NFKBIL1: variants seen among roughly 807,000 people sequenced by gnomAD.
The protein encoded by NFKBIL1 is NF-kappa-B inhibitor-like protein 1.
A neutral mutation model predicts 45.4 loss-of-function variants in NFKBIL1; 30 were observed. The ratio of observed to expected loss-of-function variants is 0.66; its 90% confidence interval spans 0.49 to 0.90. NFKBIL1 has a LOEUF of 0.90. Ranked by LOEUF, NFKBIL1 falls within the 40% of genes least tolerant of loss-of-function variation. NFKBIL1 has a pLI of 0.00. For missense variants in NFKBIL1, 434 were observed against 513.4 expected (o/e 0.85, Z 1.49); for synonymous variants, 179 against 197.3 (o/e 0.91, Z 0.78).
chr6:31,548,047 T>C, intron 1 of NFKBIL1, 116 bp from the exon 2 acceptor site: 1 of 1,387,842 alleles, frequency 7.2e-7, no homozygotes, highest in Non-Finnish European at 9.9e-7. Flanking sequence ...CATCTCTTGC[T>C]GAAGATATTA....
chr6:31,548,485 C>T (rs894357987), intron 2 of NFKBIL1, 46 bp downstream of exon 2: 4 of 1,439,368 alleles, frequency 2.8e-6, no homozygotes, highest in Non-Finnish European at 3.6e-6. Context: ...GCTGACCAGA[C>T]CTGAAATGAA....
chr6:31,547,562 C>T (rs924154461), upstream of NFKBIL1: 4 of 562,978 alleles, frequency 7.1e-6, no homozygotes, highest in Non-Finnish European at 1.2e-5. Flanking sequence ...CGTCCTCCAC[C>T]TGCGTCTCTG....
intron 2 of NFKBIL1, among the ~76,000 whole-genome samples, chr6:31,554,421 A>T (rs1769602520): frequency 6.6e-6 from 1 of 152,074 alleles, no homozygotes; most frequent in Non-Finnish European, 1.5e-5. Flanking sequence ...TCAAAAAGAA[A>T]AAAAAAGCTT....
rs754045891 is a variant in NFKBIL1 at position 31,557,706 on chromosome 6, C to T, written c.413C>T (p.Pro138Leu). The change falls in exon 3 of 4, where the codon CCT becomes CTT. Residue 138 changes from proline to leucine, a missense_variant. Pro to Leu is a moderately conservative substitution (Grantham distance 98, BLOSUM62 -3). Around this residue, in one of 4 missense-constraint regions of NFKBIL1, gnomAD observed 231 missense variants for 264.1 expected, o/e 0.87. Coordinates refer to ENST00000376148, the MANE Select transcript of NFKBIL1 (RefSeq NM_005007.4). The surrounding 1 kb of genome is among the most constrained non-coding windows in gnomAD (Gnocchi z 5.4). ...ATAAAGAATAAGGATGGGGAGACCC[C>T]TGGCCAAATTTTGGGCTGGGGACCC... ...MGIKNKDGETPGQILGWGPPW... is the reference protein window; with the variant it reads ...MGIKNKDGETLGQILGWGPPW... 3 of 1,608,150 alleles carry T rather than the reference C, an allele frequency of 1.9e-6. No homozygotes were observed. The highest frequency in any genetic ancestry group is 2.5e-6 in the Non-Finnish European group (3 of 1,176,538).
At chr6:31,548,502 C>G in intron 2 of NFKBIL1, 63 bp downstream of exon 2, 1 of 1,407,180 alleles carries the variant, frequency 7.1e-7, no homozygotes, top group South Asian at 1.6e-5. Flanking sequence ...TGAAAGCCAA[C>G]CAATAGTTGA....
intron 1 of NFKBIL1, 85 bp downstream of exon 1, chr6:31,547,836 C>T (rs757502532): frequency 7.4e-6 from 9 of 1,219,034 alleles, no homozygotes; most frequent in Non-Finnish European, 1.0e-5. Flanking sequence ...AAAATTTTCC[C>T]CATCCGGCCC....
chr6:31,546,914 AAGG>A (rs930410618), upstream of NFKBIL1: 11 of 288,784 alleles, frequency 3.8e-5, no homozygotes, highest in Admixed American at 1.4e-4. The surrounding 1 kb of genome is among the most constrained non-coding windows in gnomAD (Gnocchi z 4.1). Context: ...GAGGTGAGAG[AAGG>A]AGAACTTGAT....
rs1769154735 is a variant in NFKBIL1, at chr6:31,547,725, G to A, written c.31G>A (p.Glu11Lys). ...TAACCCCTCCCCCCAGGTTCCAGAG[G>A]AAGAAGCCTCCACATCTGTCTGCCG... MSNPSPQVPE[E>K]EASTSVCRPK... Residue 11 changes from glutamate (E) to lysine (K), a missense_variant, in exon 1 of 4, where the codon GAA becomes AAA. Physicochemically the swap from Glu to Lys is moderately conservative, Grantham distance 56. This residue lies in a region of NFKBIL1 where 231 missense variants were observed against 264.1 expected (regional missense o/e 0.87). Transcript: ENST00000376148. The A allele has an allele frequency of 6.2e-7, 1 of 1,612,336 alleles. No individual in the cohort carries two copies. Among genetic ancestry groups the A allele is most frequent in the Non-Finnish European group, 8.5e-7 (1 of 1,179,578 alleles).
chr6:31,547,873 T>C, intron 1 of NFKBIL1, 122 bp downstream of exon 1: 1 of 860,276 alleles, frequency 1.2e-6, no homozygotes, highest in Non-Finnish European at 1.8e-6. Flanking sequence ...AGTTCTTTGT[T>C]AAAAATTAAA....
chr6:31,550,200 CAA>C (rs34859965), intron 2 of NFKBIL1, among the ~76,000 whole-genome samples: 12 of 122,732 alleles, frequency 9.8e-5, no homozygotes, highest in Admixed American at 2.5e-4. Context: ...GACTCCGTCT[CAA>C]AAAAAAAAAA....
Position 31,558,479 on chromosome 6 carries a change from G to A in NFKBIL1, c.1014G>A (p.Gln338=). ...GALRRYLRVQ[Q]VRWHPDRFLQ... is the part of the protein sequence containing the mutation. ...TGAGGAGGTACTTGAGGGTCCAGCAGGTCCGCTGGCACCCTGACCGCTTCC... is the reference window on the plus strand; with the variant it reads ...TGAGGAGGTACTTGAGGGTCCAGCAAGTCCGCTGGCACCCTGACCGCTTCC... Residue 338 remains glutamine, a synonymous_variant, in exon 4 of 4, where the codon CAG becomes CAA. Coordinates refer to ENST00000376148, the MANE Select transcript of NFKBIL1 (RefSeq NM_005007.4). This position sits in a 1 kb window ranked among gnomAD's most constrained non-coding sequence, Gnocchi z 7.2. The A allele has an allele frequency of 6.4e-7, 1 of 1,552,058 alleles. No homozygotes were observed. The highest frequency in any genetic ancestry group is 8.7e-7 in the Non-Finnish European group (1 of 1,147,588).
Position 31,548,232 on chromosome 6 carries a change from G to T in NFKBIL1, c.127G>T (p.Ala43Ser), listed in dbSNP as rs1234988799. Residue 43 changes from alanine to serine, a missense_variant, in exon 2 of 4, where the codon GCA (alanine) becomes TCA (serine). Transcript: ENST00000376148. ...ACGTCGCTTTCGTCGTTACTTGTCT[G>T]CAGGACGGCTGGTCCGGGCCCAGGC... is the stretch of plus-strand genomic sequence containing the variant. ...RERRFRRYLS[A>S]GRLVRAQALL... 4.3e-6 allele frequency: 7 copies of T among 1,613,020 alleles called. No homozygotes were observed. The highest frequency in any genetic ancestry group is 5.9e-6 in the Non-Finnish European group (7 of 1,180,052).
intron 2 of NFKBIL1, among the ~76,000 whole-genome samples, chr6:31,552,983 C>T (rs1425996167): frequency 1.3e-5 from 2 of 150,460 alleles, no homozygotes; most frequent in African/African-American, 2.4e-5. Context: ...GGATTAGAGG[C>T]GTGAGCCACC....
chr6:31,546,937 C>T (rs199651125), upstream of NFKBIL1: 6 of 241,044 alleles, frequency 2.5e-5, no homozygotes, highest in Non-Finnish European at 4.9e-5. This position sits in a 1 kb window ranked among gnomAD's most constrained non-coding sequence, Gnocchi z 4.1. Context: ...TTGGTGGTAA[C>T]AGAGGAAGCA....
Position 31,558,385 on chromosome 6 carries a change from G to A in NFKBIL1, c.920G>A (p.Gly307Glu). ...FGDVPWPCPG[G>E]GDPEAMAAAL... Reference sequence around the variant, plus strand: ...GATGTGCCCTGGCCCTGCCCTGGGGGAGGGGACCCAGAGGCCATGGCTGCA... The same window carrying A: ...GATGTGCCCTGGCCCTGCCCTGGGGAAGGGGACCCAGAGGCCATGGCTGCA... The change falls in exon 4 of 4, where the codon GGA (glycine) becomes GAA (glutamate). Residue 307 changes from glycine (G) to glutamate (E), a missense_variant. This residue lies in a region of NFKBIL1 where 128 missense variants were observed against 106.5 expected (regional missense o/e 1.20). Transcript: ENST00000376148. The surrounding 1 kb of genome is among the most constrained non-coding windows in gnomAD (Gnocchi z 7.2). 2 of 1,550,360 alleles carry A rather than the reference G, an allele frequency of 1.3e-6. No individual in the cohort carries two copies. Among genetic ancestry groups the A allele is most frequent in the Non-Finnish European group, 1.7e-6 (2 of 1,146,132 alleles).
chr6:31,558,357 G>A lies in NFKBIL1; in HGVS notation c.892G>A (p.Gly298Ser). Residue 298 changes from glycine to serine, a missense_variant, in exon 4 of 4, where the codon GGT becomes AGT. This residue lies in a region of NFKBIL1 where 128 missense variants were observed against 106.5 expected (regional missense o/e 1.20). Transcript: ENST00000376148. This position sits in a 1 kb window ranked among gnomAD's most constrained non-coding sequence, Gnocchi z 7.2. The part of the protein sequence containing the change: ...GAGRGSLWRF[G>S]DVPWPCPGGG... Reference sequence around the variant, plus strand: ...GGGGAGGGGCAGCCTCTGGCGATTTGGTGATGTGCCCTGGCCCTGCCCTGG... The same window carrying A: ...GGGGAGGGGCAGCCTCTGGCGATTTAGTGATGTGCCCTGGCCCTGCCCTGG... 4 of 1,551,758 alleles carry A rather than the reference G, an allele frequency of 2.6e-6. No homozygotes were observed. Among genetic ancestry groups the A allele is most frequent in the South Asian group, 1.2e-5 (1 of 85,024 alleles).
At chr6:31,551,301 G>A (rs116353461) in intron 2 of NFKBIL1, among the ~76,000 whole-genome samples, 2 of 152,064 alleles carry the variant, frequency 1.3e-5, no homozygotes, top group African/African-American at 2.4e-5. Flanking sequence ...GCCGGGACTA[G>A]AGGCGTGAGC....
In NFKBIL1 at chr6:31,548,425, G is replaced by A. The variant is rs199875424; in HGVS notation, c.320G>A (p.Arg107His). ...HGDTALHAAA[R>H]QGPDAYTDFF... ...GACACGGCACTGCATGCTGCTGCCC[G>A]CCAGGGCCCAGATGGTGAGTCTGCT... Residue 107 changes from arginine to histidine, a missense_variant, in exon 2 of 4, where the codon CGC becomes CAC. Arg to His is a conservative substitution (Grantham distance 29). Coordinates refer to ENST00000376148, the MANE Select transcript of NFKBIL1 (RefSeq NM_005007.4). The A allele has an allele frequency of 6.6e-7, 1 of 1,507,782 alleles. No individual in the cohort carries two copies. The highest frequency in any genetic ancestry group is 2.3e-5 in the East Asian group (1 of 43,680). The allele number at this position is 1,507,782 out of a possible 1,614,324, so 93.4% of individuals were successfully genotyped here.
At chr6:31,550,665 G>A (rs771975940) in intron 2 of NFKBIL1, among the ~76,000 whole-genome samples, 4 of 151,992 alleles carry the variant, frequency 2.6e-5, no homozygotes, top group African/African-American at 4.8e-5. Flanking sequence ...AATTTGCCTC[G>A]CAAAAATGGG....
Sources: allele counts gnomAD v4.1 joint callset (sites outside exome capture counted in the v4.1 genomes callset), GRCh38; gene constraint gnomAD v4.1.1; regional missense constraint gnomAD v4.1.1; non-coding constraint Gnocchi (gnomAD v3.1); transcripts MANE v1.5; gene names NCBI Gene and HGNC (gene_info 2026-07-23, HGNC 2026-07-21).